Variants in MYRF observed in about 807,000 individuals in gnomAD.
The protein encoded by MYRF is myelin gene regulatory factor.
MYRF carries 16 observed loss-of-function variants against 126.3 expected under a neutral mutation model. That is an observed-to-expected ratio of 0.13 (90% CI 0.09 to 0.19). The LOEUF is 0.19. Among genes scored for constraint, MYRF ranks in the 10% least tolerant of loss-of-function variants. The pLI, the probability that MYRF is intolerant of heterozygous loss-of-function variation, is 1.00. For missense variants in MYRF, 1,104 were observed against 1,547.0 expected (o/e 0.71, Z 4.80); for synonymous variants, 608 against 635.3 (o/e 0.96, Z 0.65).
At chr11:61,764,117 G>A (rs1565283838) in intron 1 of MYRF, among the ~76,000 whole-genome samples, 1 of 152,192 alleles carries the variant, frequency 6.6e-6, no homozygotes, top group Non-Finnish European at 1.5e-5. Flanking sequence ...GTTCCTAGCT[G>A]GGCGAGCTGG....
At position 61,770,392 on chromosome 11, in the gene MYRF, C is replaced by A. The variant is rs1165015760; in HGVS notation, c.607C>A (p.Arg203=). ...PPPPHYPVLQ[R]DLYMKAEPPI... ...CCCACCTCACTACCCTGTCCTGCAG[C>A]GGGATCTGTACATGAAGGCCGAGCC... Residue 203 remains arginine (R), a synonymous_variant, in exon 5 of 27, where the codon CGG becomes AGG. Coordinates refer to ENST00000278836, the MANE Select transcript of MYRF (RefSeq NM_001127392.3). 1.9e-6 allele frequency: 3 copies of A among 1,547,424 alleles called. No homozygotes were observed. The highest frequency in any genetic ancestry group is 2.6e-6 in the Non-Finnish European group (3 of 1,144,636).
Position 61,757,207 on chromosome 11 carries a change from G to T in MYRF, c.46+4417G>T, listed in dbSNP as rs1251699786. 1 of 456,840 alleles carries T rather than the reference G, an allele frequency of 2.2e-6. No individual in the cohort carries two copies. The highest frequency in any genetic ancestry group is 2.0e-5 in the African/African-American group (1 of 50,124). The allele number at this position is 456,840 out of a possible 1,614,324, so 28.3% of individuals were successfully genotyped here. A position where few individuals can be genotyped will look rare whatever the true frequency, so the allele number is the denominator to read the frequency against. On this transcript the variant is annotated intron_variant, in intron 1 of 26. Coordinates refer to ENST00000278836, the MANE Select transcript of MYRF (RefSeq NM_001127392.3). This position sits in a 1 kb window ranked among gnomAD's most constrained non-coding sequence, Gnocchi z 4.7. Reference sequence around the variant, plus strand: ...AGGCCTTCAGCCCCGGCTGCCACGGGGTGTGGGTACCTCTTGGTTGGGTCT... The same window carrying T: ...AGGCCTTCAGCCCCGGCTGCCACGGTGTGTGGGTACCTCTTGGTTGGGTCT...
Position 61,777,507 on chromosome 11 carries a change from A to C in MYRF, c.1791+43A>C. The C allele has an allele frequency of 7.3e-7, 1 of 1,371,332 alleles. No individual in the cohort carries two copies. The highest frequency in any genetic ancestry group is 9.8e-7 in the Non-Finnish European group (1 of 1,018,640). 84.9% of individuals were successfully genotyped at this position (1,371,332 alleles called of 1,614,324 possible). A position where few individuals can be genotyped will look rare whatever the true frequency, so the allele number is the denominator to read the frequency against. On this transcript the variant is annotated intron_variant, in intron 12 of 26. Transcript: ENST00000278836. The surrounding 1 kb of genome is among the most constrained non-coding windows in gnomAD (Gnocchi z 8.8). ...GGGGCCGGGCGGGTCCAGACGCTGGAGCGGGCCGCGGGGGCGGGGCTCCTG... is the reference window on the plus strand; with the variant it reads ...GGGGCCGGGCGGGTCCAGACGCTGGCGCGGGCCGCGGGGGCGGGGCTCCTG...
intron 3 of MYRF, chr11:61,766,697 C>T (rs2066072086): frequency 3.7e-6 from 1 of 267,214 alleles, no homozygotes; most frequent in Admixed American, 4.9e-5. Flanking sequence ...AGAACCCAGG[C>T]CCTTCCCCCC....
At chr11:61,763,167 G>A (rs1369826403) in intron 1 of MYRF, among the ~76,000 whole-genome samples, 1 of 152,190 alleles carries the variant, frequency 6.6e-6, no homozygotes, top group Non-Finnish European at 1.5e-5. Flanking sequence ...AGGTGGGGTG[G>A]GGAAGGCACA....
intron 5 of MYRF, 106 bp from the exon 6 acceptor site, chr11:61,771,394 C>CCGTATCATTAAAAA: frequency 2.0e-6 from 3 of 1,465,386 alleles, no homozygotes; most frequent in East Asian, 2.3e-5. Flanking sequence ...CTGGGCGGGG[C>CCGTATCATTAAAAA]ACATCCTGGC....
Position 61,778,637 on chromosome 11 carries a change from AC to A in MYRF, c.2013+152del. On this transcript the variant is annotated intron_variant, in intron 14 of 26. Transcript: ENST00000278836. The surrounding 1 kb of genome is among the most constrained non-coding windows in gnomAD (Gnocchi z 4.6). ...ATGCTGCCTCCAGAGCGCCCTCTGC[AC>A]CCCACAGGGAAGGGGTGAGTGTTCA... The A allele has an allele frequency of 2.9e-6, 2 of 680,636 alleles. No homozygotes were observed. The highest frequency in any genetic ancestry group is 3.1e-5 in the South Asian group (2 of 63,784). The allele number at this position is 680,636 out of a possible 1,614,324, so 42.2% of individuals were successfully genotyped here. A position where few individuals can be genotyped will look rare whatever the true frequency, so the allele number is the denominator to read the frequency against.
rs2066240016 is a variant in MYRF at position 61,772,067 on chromosome 11, A to T, written c.1115+115A>T. The stretch of plus-strand genomic sequence containing the variant: ...CCTGGGAGCACTCATTTCACAGAAG[A>T]GCAAACAGGCTCAGGGAAGAGCCAG... On this transcript the variant is annotated intron_variant, in intron 7 of 26. Coordinates refer to ENST00000278836, the MANE Select transcript of MYRF (RefSeq NM_001127392.3). 2.8e-6 allele frequency: 4 copies of T among 1,439,974 alleles called. No individual in the cohort carries two copies. In the African/African-American group the frequency reaches 4.3e-5, roughly 15 times the overall value. The allele number at this position is 1,439,974 out of a possible 1,614,324, so 89.2% of individuals were successfully genotyped here.
At chr11:61,775,459 A>G (rs1186216027) in intron 8 of MYRF, among the ~76,000 whole-genome samples, 3 of 152,200 alleles carry the variant, frequency 2.0e-5, no homozygotes, top group African/African-American at 7.2e-5. Context: ...GAGGCACCAC[A>G]GCACAACCCC....
In MYRF at chr11:61,777,420, C is replaced by A. The variant is rs1162149403; in HGVS notation, c.1747C>A (p.Leu583Ile). 1.2e-6 allele frequency: 2 copies of A among 1,613,556 alleles called. No individual in the cohort carries two copies. The highest frequency in any genetic ancestry group is 2.7e-5 in the African/African-American group (2 of 74,910). Residue 583 changes from leucine to isoleucine, a missense_variant, in exon 12 of 27, where the codon CTT becomes ATT. Leu to Ile is a conservative substitution (Grantham distance 5, BLOSUM62 2). This residue lies in a region of MYRF where 123 missense variants were observed against 209.1 expected (regional missense o/e 0.59). Transcript: ENST00000278836. The surrounding 1 kb of genome is among the most constrained non-coding windows in gnomAD (Gnocchi z 8.8). ...CGGGAATGTCAAGGTCATGGGCTCG[C>A]TTATGCACCCCTCCGACCTGCGCGC... ...VHGNVKVMGSLMHPSDLRAKE... is the reference protein window; with the variant it reads ...VHGNVKVMGSIMHPSDLRAKE...
intron 1 of MYRF, among the ~76,000 whole-genome samples, chr11:61,754,925 G>T (rs1186769317): frequency 6.6e-6 from 1 of 152,228 alleles, no homozygotes; most frequent in African/African-American, 2.4e-5. Context: ...GAAGGCCTGG[G>T]AGTGGCAGGG....
intron 1 of MYRF, 114 bp downstream of exon 1, chr11:61,752,904 C>T: frequency 9.3e-7 from 1 of 1,074,452 alleles, no homozygotes; most frequent in Non-Finnish European, 1.3e-6. Context: ...TGGGACCCTC[C>T]TTCAGGCTGG....
In MYRF at chr11:61,788,331, C is replaced by G. The variant is rs568302735; in HGVS notation, c.*2188C>G. ...AAGCCTGCGTGTGCATAGAGCGCCC[C>G]CTACTTCCCAGTTAACTCCCAGTTC... On this transcript the variant is annotated 3_prime_UTR_variant, in exon 27 of 27. Transcript: ENST00000278836. The G allele has an allele frequency of 6.6e-6, 1 of 152,462 alleles. No individual in the cohort carries two copies. The highest frequency in any genetic ancestry group is 6.5e-5 in the Admixed American group (1 of 15,294). 9.4% of individuals were successfully genotyped at this position (152,462 alleles called of 1,614,324 possible).
chr11:61,766,111 C>T lies in MYRF; in HGVS notation c.288C>T (p.Gly96=), dbSNP rs1011396350. 1 of 1,608,506 alleles carries T rather than the reference C, an allele frequency of 6.2e-7. No individual in the cohort carries two copies. The highest frequency in any genetic ancestry group is 1.7e-5 in the Admixed American group (1 of 59,982). The part of the protein sequence containing the change: ...RHGPLPPPGY[G]TPLNCNNNNG... The stretch of plus-strand genomic sequence containing the variant: ...GTCCCCTCCCACCCCCGGGCTACGG[C>T]ACCCCGCTGAACTGCAACAACAACA... The change falls in exon 3 of 27, where the codon GGC becomes GGT. Residue 96 remains glycine (G), a synonymous_variant. Transcript: ENST00000278836.
chr11:61,772,634 T>G (rs943693470), intron 7 of MYRF, among the ~76,000 whole-genome samples: 8 of 152,124 alleles, frequency 5.3e-5, no homozygotes, highest in Admixed American at 2.0e-4. Context: ...CAGGTGGGGG[T>G]GCAGTCGTAT....
chr11:61,769,391 G>A, intron 4 of MYRF, 70 bp downstream of exon 4: 2 of 1,249,568 alleles, frequency 1.6e-6, no homozygotes, highest in Non-Finnish European at 2.3e-6. Flanking sequence ...TTATCAGGGA[G>A]GTAGGGGAGG....
chr11:61,766,462 G>C (rs1003661443), intron 3 of MYRF: 11 of 489,498 alleles, frequency 2.2e-5, no homozygotes, highest in East Asian at 3.1e-5. Context: ...GAGGGCTGAC[G>C]TAAGTGCTAG....
At chr11:61,754,274 C>T (rs2065683416) in intron 1 of MYRF, 1 of 152,472 alleles carries the variant, frequency 6.6e-6, no homozygotes, top group South Asian at 2.1e-4. Flanking sequence ...TCTGGACACC[C>T]CACAGACCCA....
In MYRF at chr11:61,783,438, GAA is replaced by G; in HGVS notation, c.3017-58_3017-57del. The G allele has an allele frequency of 1.5e-6, 2 of 1,375,006 alleles. No individual in the cohort carries two copies. The highest frequency in any genetic ancestry group is 1.4e-5 in the African/African-American group (1 of 70,136). 85.2% of individuals were successfully genotyped at this position (1,375,006 alleles called of 1,614,324 possible). Reference sequence around the variant, plus strand: ...GAGTGACTGCTTCAAGTCTGGCAAGGAAAGACTTGCCAGCTTCTCATTTGTGT... The same window carrying G: ...GAGTGACTGCTTCAAGTCTGGCAAGGAGACTTGCCAGCTTCTCATTTGTGT... On this transcript the variant is annotated intron_variant, in intron 22 of 26. Transcript: ENST00000278836. This position sits in a 1 kb window ranked among gnomAD's most constrained non-coding sequence, Gnocchi z 4.6.
Sources: allele counts gnomAD v4.1 joint callset (sites outside exome capture counted in the v4.1 genomes callset), GRCh38; gene constraint gnomAD v4.1.1; regional missense constraint gnomAD v4.1.1; non-coding constraint Gnocchi (gnomAD v3.1); transcripts MANE v1.5; gene names NCBI Gene and HGNC (gene_info 2026-07-23, HGNC 2026-07-21).